CPNE4: variants seen among roughly 807,000 people sequenced by gnomAD.
CPNE4 encodes the protein copine-4.
In CPNE4, 25 loss-of-function variants were observed where a neutral mutation model predicts 67.9. The observed-to-expected ratio is 0.37, with a 90% CI of 0.27 to 0.51. The LOEUF (loss-of-function observed/expected upper bound fraction) is 0.51. Ranked by LOEUF, CPNE4 falls within the 20% of genes least tolerant of loss-of-function variation. CPNE4 has a pLI of 0.93. For synonymous variants in CPNE4, 242 were observed against 244.9 expected, an observed-to-expected ratio of 0.99 and a Z score of 0.11; for missense variants, 464 against 690.8, an observed-to-expected ratio of 0.67 and a Z score of 3.68.
Position 131,549,887 on chromosome 3 carries a change from G to C in CPNE4, c.1302+60C>G, listed in dbSNP as rs1265923154. 5.0e-6 allele frequency: 8 copies of C among 1,586,604 alleles called. No homozygotes were observed. The South Asian group carries it at 6.7e-5, about 13-fold the overall frequency. ...TTGTTAGAGTGAGATGGGTCTTACG[G>C]CCAATATCCAGGTGAGGAAGAGTAA... On this transcript the variant is annotated intron_variant, in intron 14 of 15. Transcript: ENST00000429747.
At chr3:131,574,845 G>C (rs1937510400) in intron 10 of CPNE4, among the ~76,000 whole-genome samples, 1 of 152,146 alleles carries the variant, frequency 6.6e-6, no homozygotes, top group South Asian at 2.1e-4. Flanking sequence ...CTGAGGTTGA[G>C]TGGCATAAAT....
At chr3:131,560,888 G>A (rs879473015) in intron 11 of CPNE4, among the ~76,000 whole-genome samples, 3 of 152,016 alleles carry the variant, frequency 2.0e-5, no homozygotes, top group South Asian at 2.1e-4. Context: ...AAGGCTTTTC[G>A]AATGGCTTCA....
At chr3:131,874,337 C>T (rs1362575569) in intron 2 of CPNE4, among the ~76,000 whole-genome samples, 2 of 152,302 alleles carry the variant, frequency 1.3e-5, no homozygotes, top group Admixed American at 1.3e-4. Context: ...ATTCGCCCGC[C>T]TCGGCCTCCC....
intron 1 of CPNE4, among the ~76,000 whole-genome samples, chr3:131,984,291 T>C (rs142840000): frequency 3.9e-5 from 6 of 152,296 alleles, no homozygotes; most frequent in Non-Finnish European, 7.3e-5. Flanking sequence ...TTTATCATAT[T>C]AGAATTTAAT....
intron 2 of CPNE4, among the ~76,000 whole-genome samples, chr3:131,889,238 A>T (rs1194252036): frequency 6.6e-6 from 1 of 152,320 alleles, no homozygotes; most frequent in Middle Eastern, 3.4e-3. Context: ...AGACATTTAC[A>T]AAAGGTCACA....
chr3:131,784,581 A>G (rs1468283374), intron 2 of CPNE4, among the ~76,000 whole-genome samples: 2 of 152,140 alleles, frequency 1.3e-5, no homozygotes, highest in Non-Finnish European at 2.9e-5. Context: ...TTAACGTCTG[A>G]GCATCTCTGC....
In CPNE4 at chr3:131,534,562, T is replaced by C. The variant is rs1935034108; in HGVS notation, c.*633A>G. The C allele has an allele frequency of 6.6e-6, 1 of 152,198 alleles. No homozygotes were observed. The allele number at this position is 152,198 out of a possible 1,614,324, so 9.4% of individuals were successfully genotyped here. A position where few individuals can be genotyped will look rare whatever the true frequency, so the allele number is the denominator to read the frequency against. On this transcript the variant is annotated 3_prime_UTR_variant, in exon 16 of 16. Transcript: ENST00000429747. ...TTTAATAAGACTCTCAGGTGATTTG[T>C]GTACACAGTATAAAGTATGAGAGGT...
chr3:131,656,909 G>A (rs575593004), intron 7 of CPNE4, among the ~76,000 whole-genome samples: 1 of 152,226 alleles, frequency 6.6e-6, no homozygotes, highest in African/African-American at 2.4e-5. Context: ...AGGGACAGGT[G>A]GGAATTTCAG....
At chr3:132,008,225 C>G (rs55638128) in intron 1 of CPNE4, among the ~76,000 whole-genome samples, 1 of 152,022 alleles carries the variant, frequency 6.6e-6, no homozygotes, top group Non-Finnish European at 1.5e-5. Context: ...CACCCAGTCT[C>G]GAGTGAAATG....
intron 1 of CPNE4, among the ~76,000 whole-genome samples, chr3:131,910,764 A>G (rs2088945829): frequency 6.6e-6 from 1 of 152,180 alleles, no homozygotes; most frequent in Non-Finnish European, 1.5e-5. Context: ...GGAGGGATGC[A>G]CTTACTGGAT....
chr3:131,792,823 TATA>T lies in CPNE4; in HGVS notation c.181-69201_181-69199del, dbSNP rs778988943. On this transcript the variant is annotated intron_variant, in intron 2 of 15. Transcript: ENST00000429747. ...TGTATATATATGTGGAGTGTGTGTG[TATA>T]ATGAGTGCGTGTGTGTATATACATA... Among the ~76,000 whole-genome samples the T allele has an allele frequency of 2.7e-4, 40 of 148,120 alleles. No homozygotes were observed. The South Asian group carries it at 8.2e-3, about 30-fold the overall frequency.
intron 2 of CPNE4, among the ~76,000 whole-genome samples, chr3:131,819,825 T>C (rs1256705415): frequency 6.6e-6 from 1 of 152,200 alleles, no homozygotes. Flanking sequence ...AAATCTCCTC[T>C]GAACCAACCT....
At chr3:131,941,267 A>C (rs1401488563) in intron 1 of CPNE4, among the ~76,000 whole-genome samples, 2 of 152,026 alleles carry the variant, frequency 1.3e-5, no homozygotes, top group African/African-American at 4.8e-5. Flanking sequence ...CAAAAGCATC[A>C]TTTTCTAATT....
At chr3:131,553,482 A>G (rs569150367) in intron 12 of CPNE4, among the ~76,000 whole-genome samples, 1 of 152,122 alleles carries the variant, frequency 6.6e-6, no homozygotes, top group South Asian at 2.1e-4. Context: ...CTTGGGAGTA[A>G]TCAGTAATTA....
chr3:131,837,742 A>G (rs1246061520), intron 2 of CPNE4, among the ~76,000 whole-genome samples: 6 of 152,028 alleles, frequency 3.9e-5, no homozygotes, highest in Non-Finnish European at 7.4e-5. Context: ...GTGAAATCCA[A>G]ATAATATCTG....
At chr3:131,970,886 T>C (rs1310451284) in intron 1 of CPNE4, among the ~76,000 whole-genome samples, 2 of 152,220 alleles carry the variant, frequency 1.3e-5, no homozygotes, top group African/African-American at 2.4e-5. Flanking sequence ...TTCCCAATTA[T>C]CTGTTGCTGC....
rs1366631854 is a variant in CPNE4, at chr3:131,535,417, C to CTAAG, written c.1540-92_1540-89dup. On this transcript the variant is annotated intron_variant, in intron 15 of 15. Transcript: ENST00000429747. ...AAGATTTGAGTCCTGCTCTGGGCAG[C>CTAAG]TAAGTTTCATTCACTTTCATTCATT... The CTAAG allele has an allele frequency of 2.2e-6, 3 of 1,345,416 alleles. No individual in the cohort carries two copies. The African/African-American group carries it at 4.4e-5, about 20-fold the overall frequency. The allele number at this position is 1,345,416 out of a possible 1,614,324, so 83.3% of individuals were successfully genotyped here. A position where few individuals can be genotyped will look rare whatever the true frequency, so the allele number is the denominator to read the frequency against.
intron 15 of CPNE4, among the ~76,000 whole-genome samples, chr3:131,542,264 C>A (rs528807828): frequency 6.6e-6 from 1 of 152,082 alleles, no homozygotes; most frequent in Admixed American, 6.5e-5. Context: ...AATTATAGGG[C>A]AAGCATCAGT....
At chr3:131,855,782 ACCTCT>A (rs1271273423) in intron 2 of CPNE4, among the ~76,000 whole-genome samples, 2 of 151,730 alleles carry the variant, frequency 1.3e-5, no homozygotes, top group Non-Finnish European at 2.9e-5. Flanking sequence ...GCTTATAAAG[ACCTCT>A]TCCAGACATT....
Sources: allele counts gnomAD v4.1 joint callset (sites outside exome capture counted in the v4.1 genomes callset), GRCh38; gene constraint gnomAD v4.1.1; transcripts MANE v1.5; gene names NCBI Gene and HGNC (gene_info 2026-07-23, HGNC 2026-07-21).